Variants in PBX3 observed in about 807,000 individuals in gnomAD.
PBX3 encodes PBX homeobox 3, also known as pre-B-cell leukemia transcription factor 3.
A neutral mutation model predicts 48.5 loss-of-function variants in PBX3; 14 were observed. The observed-to-expected ratio is 0.29, with a 90% CI of 0.19 to 0.45. PBX3 has a LOEUF of 0.45. PBX3 is among the 20% of genes least tolerant of loss of function. PBX3 has a pLI of 1.00. For synonymous variants in PBX3, 210 were observed against 200.3 expected (o/e 1.05, Z -0.41); for missense variants, 386 against 546.7 (o/e 0.71, Z 2.93).
At chr9:125,947,189 A>G (rs1842082650) in intron 5 of PBX3, among the ~76,000 whole-genome samples, 1 of 152,214 alleles carries the variant, frequency 6.6e-6, no homozygotes, top group African/African-American at 2.4e-5. Context: ...GTTTTCAGAC[A>G]GAAATAAAAA....
At chr9:125,898,457 A>AAT (rs1479409568) in intron 2 of PBX3, among the ~76,000 whole-genome samples, 5 of 151,174 alleles carry the variant, frequency 3.3e-5, no homozygotes, top group East Asian at 1.9e-4. Flanking sequence ...CTGAAAAAAA[A>AAT]AAATAAAAAA....
chr9:125,765,660 A>T (rs1364601378), intron 2 of PBX3, among the ~76,000 whole-genome samples: 1 of 152,192 alleles, frequency 6.6e-6, no homozygotes, highest in Non-Finnish European at 1.5e-5. Flanking sequence ...ACACATTCTT[A>T]GAAGTAGACA....
At chr9:125,787,058 G>A (rs765645977) in intron 2 of PBX3, among the ~76,000 whole-genome samples, 68 of 151,456 alleles carry the variant, frequency 4.5e-4, no homozygotes, top group Non-Finnish European at 8.0e-4. Flanking sequence ...TTATTTTTTC[G>A]AGACAGGGTC....
At chr9:125,949,001 A>G (rs1842130341) in intron 5 of PBX3, among the ~76,000 whole-genome samples, 1 of 152,116 alleles carries the variant, frequency 6.6e-6, no homozygotes, top group Non-Finnish European at 1.5e-5. Flanking sequence ...TCCTAAGCTC[A>G]AGCAATCTTC....
chr9:125,766,596 T>C (rs1321883951), intron 2 of PBX3, among the ~76,000 whole-genome samples: 1 of 152,142 alleles, frequency 6.6e-6, no homozygotes, highest in Non-Finnish European at 1.5e-5. Context: ...GACATTTGTT[T>C]TAGTACATTA....
intron 2 of PBX3, among the ~76,000 whole-genome samples, chr9:125,781,488 T>G (rs1837309744): frequency 7.0e-6 from 1 of 143,566 alleles, no homozygotes; most frequent in African/African-American, 2.6e-5. Flanking sequence ...CAGCTTCGGC[T>G]AGGCATCAGA....
chr9:125,963,773 G>A (rs535069694), intron 8 of PBX3, among the ~76,000 whole-genome samples: 1 of 152,144 alleles, frequency 6.6e-6, no homozygotes, highest in South Asian at 2.1e-4. Context: ...GAAATTAACT[G>A]CCCAGCTCAC....
chr9:125,894,970 A>C (rs1047236378), intron 2 of PBX3, among the ~76,000 whole-genome samples: 4 of 152,086 alleles, frequency 2.6e-5, no homozygotes, highest in African/African-American at 9.7e-5. Context: ...TCTATAAATA[A>C]TTTTTCAGAC....
intron 2 of PBX3, among the ~76,000 whole-genome samples, chr9:125,852,523 G>A (rs544971995): frequency 6.6e-6 from 1 of 152,286 alleles, no homozygotes; most frequent in Non-Finnish European, 1.5e-5. Context: ...TTTGGAATAA[G>A]CACTGTAGTG....
intron 5 of PBX3, among the ~76,000 whole-genome samples, chr9:125,950,098 ATGT>A (rs1240768629): frequency 6.6e-6 from 1 of 152,176 alleles, no homozygotes; most frequent in Admixed American, 6.5e-5. Context: ...TTAACTGTAA[ATGT>A]TGTCTGTGGT....
rs1836602913 is a variant in PBX3, at chr9:125,759,338, G to A, written c.274+10715G>A. On this transcript the variant is annotated intron_variant, in intron 2 of 8. Transcript: ENST00000373489. The surrounding 1 kb of genome is among the most constrained non-coding windows in gnomAD (Gnocchi z 4.2). ...TGTTAAAGTGGCCCCTAGTGATAGT[G>A]CTGCAGTGACTAGATAGAGCAGAGG... 6.6e-6 allele frequency among the ~76,000 whole-genome samples: 1 copy of A among 152,174 alleles called. No individual in the cohort carries two copies. Among genetic ancestry groups the A allele is most frequent in the Admixed American group, 6.5e-5 (1 of 15,274 alleles).
rs1478440673 is a variant in PBX3 at position 125,935,200 on chromosome 9, T to C, written c.708-272T>C. Among the ~76,000 whole-genome samples the C allele has an allele frequency of 1.3e-5, 2 of 152,208 alleles. 1 individual carries two copies. Among genetic ancestry groups the C allele is most frequent in the Non-Finnish European group, 2.9e-5 (2 of 68,042 alleles). ...CTTGTTTGTTCTCACTGGATCTTCA[T>C]TGAATATCTAAAATATTAGGTCTTC... On this transcript the variant is annotated intron_variant, in intron 4 of 8. Coordinates refer to ENST00000373489, the MANE Select transcript of PBX3 (RefSeq NM_006195.6).
chr9:125,876,802 C>CTTTTTTTTT (rs59596389), intron 2 of PBX3, among the ~76,000 whole-genome samples: 1 of 128,942 alleles, frequency 7.8e-6, no homozygotes, highest in Non-Finnish European at 1.7e-5. Context: ...TTCTTTCTTT[C>CTTTTTTTTT]TTTTTTTTTT....
chr9:125,809,171 A>T (rs561209963), intron 2 of PBX3, among the ~76,000 whole-genome samples: 1 of 152,356 alleles, frequency 6.6e-6, no homozygotes, highest in Non-Finnish European at 1.5e-5. Context: ...CATTTTGTTC[A>T]ACTTCAGCTG....
chr9:125,917,952 A>C lies in PBX3; in HGVS notation c.516+2025A>C, dbSNP rs558635991. Among the ~76,000 whole-genome samples, 5 of 152,340 alleles carry C rather than the reference A, an allele frequency of 3.3e-5. No individual in the cohort carries two copies. In the South Asian group the frequency reaches 1.0e-3, roughly 32 times the overall value. On this transcript the variant is annotated intron_variant, in intron 3 of 8. Coordinates refer to ENST00000373489, the MANE Select transcript of PBX3 (RefSeq NM_006195.6). ...TCCCACTTTCTGATTTGACATATGA[A>C]TAATTGAGAGTAAACAAAATAAGTC...
chr9:125,811,462 G>A (rs983172093), intron 2 of PBX3, among the ~76,000 whole-genome samples: 4 of 152,138 alleles, frequency 2.6e-5, no homozygotes, highest in African/African-American at 9.7e-5. Context: ...GATAGTGAAT[G>A]GGTTCTCATG....
intron 3 of PBX3, among the ~76,000 whole-genome samples, chr9:125,921,426 G>A (rs962447480): frequency 1.3e-5 from 2 of 151,932 alleles, no homozygotes; most frequent in African/African-American, 4.8e-5. Flanking sequence ...GCAGAGTAAT[G>A]ACATAAAAAT....
At chr9:125,766,077 G>T (rs1476217370) in intron 2 of PBX3, among the ~76,000 whole-genome samples, 2 of 152,096 alleles carry the variant, frequency 1.3e-5, no homozygotes, top group African/African-American at 4.8e-5. Context: ...TTCTCAAAGG[G>T]ACTGTAGGTT....
At chr9:125,925,097 G>A (rs1841543039) in intron 3 of PBX3, among the ~76,000 whole-genome samples, 1 of 152,162 alleles carries the variant, frequency 6.6e-6, no homozygotes, top group Non-Finnish European at 1.5e-5. Flanking sequence ...CATACTCAAA[G>A]GTTGATATGT....
Sources: gnomAD v4.1 joint callset for allele counts (sites outside exome capture counted in the v4.1 genomes callset) on GRCh38, gnomAD v4.1.1 for gene constraint, Gnocchi (gnomAD v3.1) non-coding constraint, MANE v1.5 for transcripts, NCBI Gene and HGNC (gene_info 2026-07-23, HGNC 2026-07-21) for gene names.